The following COL25A1 variants were observed in gnomAD, a reference collection of about 807,000 sequenced individuals.
COL25A1 encodes collagen type XXV alpha 1 chain, also known as collagen alpha-1(XXV) chain.
In COL25A1, 103 loss-of-function variants were observed where a neutral mutation model predicts 128.4. The ratio of observed to expected loss-of-function variants is 0.80; its 90% CI spans 0.68 to 0.94. The LOEUF (loss-of-function observed/expected upper bound fraction) is 0.94, where lower values mean the gene tolerates loss of function less well. Among genes scored for constraint, COL25A1 ranks in the 40% least tolerant of loss-of-function variants. COL25A1 has a pLI of 0.00. For synonymous variants in COL25A1, 279 were observed against 277.2 expected, an observed-to-expected ratio of 1.01 and a Z score of -0.06; for missense variants, 745 against 840.0, an observed-to-expected ratio of 0.89 and a Z score of 1.40.
chr4:108,953,022 C>A (rs1458580742), intron 8 of COL25A1, among the ~76,000 whole-genome samples: 2 of 151,944 alleles, frequency 1.3e-5, no homozygotes, highest in African/African-American at 2.4e-5. Context: ...AGCCTCTTTC[C>A]TATTCATGGA....
At chr4:109,023,096 ACATTC>A (rs1432437991) in intron 5 of COL25A1, among the ~76,000 whole-genome samples, 1 of 152,234 alleles carries the variant, frequency 6.6e-6, no homozygotes, top group Non-Finnish European at 1.5e-5. Context: ...GGCAAAAACA[ACATTC>A]CATTCAAGAT....
intron 3 of COL25A1, among the ~76,000 whole-genome samples, chr4:109,287,067 C>A (rs1221825179): frequency 6.6e-6 from 1 of 152,138 alleles, no homozygotes; most frequent in Non-Finnish European, 1.5e-5. Flanking sequence ...CAAAAAAATC[C>A]AAATACCAAT....
At chr4:109,272,463 G>A (rs774274647) in intron 3 of COL25A1, among the ~76,000 whole-genome samples, 4 of 152,024 alleles carry the variant, frequency 2.6e-5, no homozygotes, top group Non-Finnish European at 5.9e-5. Context: ...TCATGTAATG[G>A]GTATAGAACA....
chr4:109,017,865 T>C (rs2126058914), intron 5 of COL25A1, among the ~76,000 whole-genome samples: 1 of 152,278 alleles, frequency 6.6e-6, no homozygotes, highest in African/African-American at 2.4e-5. Flanking sequence ...ACTCAGAAAC[T>C]CATCATTAAG....
chr4:108,869,080 C>A lies in COL25A1; in HGVS notation c.1083+8G>T. 6.4e-7 allele frequency: 1 copy of A among 1,552,050 alleles called. No homozygotes were observed. The highest frequency in any genetic ancestry group is 8.7e-7 in the Non-Finnish European group (1 of 1,143,998). On this transcript the variant is annotated splice_region_variant and intron_variant, in intron 20 of 37. Coordinates refer to ENST00000399132, the MANE Select transcript of COL25A1 (RefSeq NM_198721.4). ...GAAAGAAAGAAGGAAAGAAAGAGGC[C>A]CACTTACTTTTGTTCCTGGTAAACC...
At chr4:109,078,258 AG>A (rs1004934090) in intron 3 of COL25A1, among the ~76,000 whole-genome samples, 2 of 152,206 alleles carry the variant, frequency 1.3e-5, no homozygotes, top group African/African-American at 4.8e-5. Context: ...AATAAGAGTC[AG>A]GGATCTTGGT....
intron 6 of COL25A1, among the ~76,000 whole-genome samples, chr4:108,986,574 A>G (rs1203961892): frequency 6.6e-6 from 1 of 152,216 alleles, no homozygotes; most frequent in Non-Finnish European, 1.5e-5. Context: ...AGAATGTGGG[A>G]CACTCTAAAT....
chr4:108,935,416 C>T (rs1262465539), intron 11 of COL25A1, among the ~76,000 whole-genome samples: 1 of 152,094 alleles, frequency 6.6e-6, no homozygotes, highest in African/African-American at 2.4e-5. Flanking sequence ...GGGTTATGCA[C>T]TATAATTTGT....
chr4:109,242,703 T>G (rs147590114), intron 3 of COL25A1, among the ~76,000 whole-genome samples: 27 of 152,200 alleles, frequency 1.8e-4, no homozygotes, highest in Admixed American at 5.2e-4. Context: ...TTCACCAAAG[T>G]TTTTTTAATT....
intron 9 of COL25A1, 50 bp downstream of exon 9, chr4:108,941,316 C>T (rs373826297): frequency 2.8e-5 from 40 of 1,428,684 alleles, no homozygotes; most frequent in South Asian, 5.7e-5. Context: ...GTACACAGAG[C>T]AATAACTGAT....
chr4:108,889,417 ATTTTTTT>A (rs34358532), intron 17 of COL25A1, among the ~76,000 whole-genome samples, 161 bp from the exon 18 acceptor site: 6 of 130,478 alleles, frequency 4.6e-5, no homozygotes, highest in African/African-American at 8.5e-5. Flanking sequence ...AGACATACGG[ATTTTTTT>A]TTTTTTTTTT....
intron 3 of COL25A1, among the ~76,000 whole-genome samples, chr4:109,216,418 G>A (rs2126203842): frequency 6.6e-6 from 1 of 152,246 alleles, no homozygotes; most frequent in East Asian, 1.9e-4. Context: ...ATATGCTCAA[G>A]TTCTAACCCA....
intron 6 of COL25A1, among the ~76,000 whole-genome samples, chr4:108,982,005 C>T (rs915935797): frequency 1.3e-5 from 2 of 152,048 alleles, no homozygotes; most frequent in African/African-American, 2.4e-5. Flanking sequence ...ACCAGCCTGA[C>T]CAACATGGTG....
Position 109,020,267 on chromosome 4 carries a change from GGATA to G in COL25A1, c.421-9896_421-9893del, listed in dbSNP as rs374498214. On this transcript the variant is annotated intron_variant, in intron 5 of 37. Coordinates refer to ENST00000399132, the MANE Select transcript of COL25A1 (RefSeq NM_198721.4). ...ATATTACCTGTTGTGCTATCCTACA[GGATA>G]GATATTAATAATTCTGCACCTTAGC... Among the ~76,000 whole-genome samples the G allele has an allele frequency of 1.9e-4, 29 of 152,154 alleles. No homozygotes were observed. In the East Asian group the frequency reaches 3.3e-3, roughly 17 times the overall value.
chr4:109,127,529 T>C (rs1768736626), intron 3 of COL25A1, among the ~76,000 whole-genome samples: 1 of 152,172 alleles, frequency 6.6e-6, no homozygotes. Context: ...GGTCTCTCTA[T>C]GTTGCCCAGG....
chr4:108,845,114 G>A, intron 29 of COL25A1, 75 bp downstream of exon 29: 1 of 1,234,052 alleles, frequency 8.1e-7, no homozygotes, highest in Non-Finnish European at 1.2e-6. Context: ...ATCTGGCAGA[G>A]GTGGAATAGG....
At chr4:109,070,647 A>G (rs1163643683) in intron 3 of COL25A1, among the ~76,000 whole-genome samples, 3 of 149,974 alleles carry the variant, frequency 2.0e-5, no homozygotes, top group Admixed American at 1.3e-4. Flanking sequence ...TTAACTCGTC[A>G]TTTACATTAG....
intron 3 of COL25A1, among the ~76,000 whole-genome samples, chr4:109,171,156 A>C (rs1409900929): frequency 6.6e-6 from 1 of 152,080 alleles, no homozygotes; most frequent in Non-Finnish European, 1.5e-5. Flanking sequence ...GACTAAGAAG[A>C]AGCAAAAGGA....
chr4:109,210,924 A>G (rs1271290023), intron 3 of COL25A1, among the ~76,000 whole-genome samples: 1 of 152,088 alleles, frequency 6.6e-6, no homozygotes, highest in African/African-American at 2.4e-5. Context: ...ACAGGAACAG[A>G]AAACCAAATA....
Sources: allele counts gnomAD v4.1 joint callset (sites outside exome capture counted in the v4.1 genomes callset), GRCh38; gene constraint gnomAD v4.1.1; transcripts MANE v1.5; gene names NCBI Gene and HGNC (gene_info 2026-07-23, HGNC 2026-07-21).